Variants in FGF14 observed in about 807,000 individuals in gnomAD.
FGF14 encodes the protein fibroblast growth factor homologous factor 4.
In FGF14, 5 loss-of-function variants were observed where a neutral mutation model predicts 25.5. The observed-to-expected ratio is 0.20, with a 90% confidence interval of 0.10 to 0.41. The LOEUF (loss-of-function observed/expected upper bound fraction) is 0.41, where lower values mean the gene tolerates loss of function less well. Ranked by LOEUF, FGF14 falls within the 10% of genes least tolerant of loss-of-function variation. The probability of loss-of-function intolerance (pLI) is 1.00; values close to 1 mark genes in which losing one functional copy is unlikely to be tolerated. For missense variants in FGF14, 222 were observed against 320.1 expected (o/e 0.69, Z 2.34); for synonymous variants, 138 against 118.3 (o/e 1.17, Z -1.08).
intron 1 of FGF14, among the ~76,000 whole-genome samples, chr13:101,887,699 A>G (rs998203902): frequency 3.9e-5 from 6 of 152,194 alleles, no homozygotes; most frequent in Admixed American, 3.3e-4. Context: ...GTTAGCAATA[A>G]TTTATTGTAC....
intron 1 of FGF14, among the ~76,000 whole-genome samples, chr13:101,888,528 AAT>A (rs1206854845): frequency 6.6e-6 from 1 of 152,170 alleles, no homozygotes; most frequent in East Asian, 1.9e-4. Context: ...TAGGTAATTC[AAT>A]ATGATTCCTA....
intron 1 of FGF14, among the ~76,000 whole-genome samples, chr13:102,222,399 T>C (rs1428017770): frequency 2.6e-5 from 4 of 152,194 alleles, no homozygotes; most frequent in Non-Finnish European, 5.9e-5. Flanking sequence ...ACGTATGTAA[T>C]TTTGAAAGTT....
intron 1 of FGF14, among the ~76,000 whole-genome samples, chr13:101,960,595 A>T (rs1292680966): frequency 1.3e-5 from 2 of 152,140 alleles, no homozygotes; most frequent in African/African-American, 4.8e-5. Flanking sequence ...TCCATCACTG[A>T]TGGGCATTTA....
chr13:102,133,889 C>T (rs985843956), intron 1 of FGF14, among the ~76,000 whole-genome samples: 2 of 152,156 alleles, frequency 1.3e-5, no homozygotes, highest in Non-Finnish European at 2.9e-5. Context: ...ATTGTTTCTT[C>T]CCTGCTGTTT....
At position 102,346,547 on chromosome 13, in the gene FGF14, C is replaced by T. The variant is rs551175728; in HGVS notation, c.208+54924G>A. ...AAAGAGACTATGTCATATATGGCAG[C>T]GTACAGAGCCATATATATTTATATA... is the stretch of plus-strand genomic sequence containing the variant. On this transcript the variant is annotated intron_variant, in intron 1 of 4. Transcript: ENST00000376131. 2.6e-4 allele frequency among the ~76,000 whole-genome samples: 40 copies of T among 151,930 alleles called. 1 individual carries two copies. The highest frequency in any genetic ancestry group is 8.0e-4 in the African/African-American group (33 of 41,418).
chr13:101,845,471 C>T (rs1222794619), intron 3 of FGF14, among the ~76,000 whole-genome samples: 2 of 151,908 alleles, frequency 1.3e-5, no homozygotes, highest in Admixed American at 1.3e-4. Flanking sequence ...GAATGATTAA[C>T]TTGAAAATAC....
intron 1 of FGF14, among the ~76,000 whole-genome samples, chr13:102,273,616 A>T (rs996286790): frequency 2.6e-5 from 4 of 152,240 alleles, no homozygotes; most frequent in African/African-American, 7.2e-5. Flanking sequence ...CTGAAATGTC[A>T]TAAGCAGAAA....
intron 1 of FGF14, among the ~76,000 whole-genome samples, chr13:102,123,539 CA>C (rs2045823890): frequency 6.7e-6 from 1 of 149,844 alleles, no homozygotes; most frequent in Non-Finnish European, 1.5e-5. Flanking sequence ...TAGTACTAAA[CA>C]AATTTTTTTG....
intron 1 of FGF14, among the ~76,000 whole-genome samples, chr13:102,016,191 T>C (rs1211108895): frequency 6.6e-6 from 1 of 152,132 alleles, no homozygotes; most frequent in African/African-American, 2.4e-5. Context: ...ATCTACATAA[T>C]TCCCATTTTA....
chr13:102,020,922 TAA>T (rs35573849), intron 1 of FGF14, among the ~76,000 whole-genome samples: 14 of 143,776 alleles, frequency 9.7e-5, no homozygotes, highest in African/African-American at 1.5e-4. Context: ...AACACAGAGA[TAA>T]AAAAAAAAAG....
intron 1 of FGF14, among the ~76,000 whole-genome samples, chr13:102,018,583 C>T (rs923645978): frequency 1.3e-5 from 2 of 152,082 alleles, no homozygotes; most frequent in African/African-American, 4.8e-5. Context: ...TTCTCTAGCC[C>T]TGAGGCCTCT....
intron 1 of FGF14, among the ~76,000 whole-genome samples, chr13:102,073,182 G>T (rs1037878312): frequency 2.0e-5 from 3 of 152,154 alleles, no homozygotes; most frequent in African/African-American, 7.2e-5. Flanking sequence ...AACCCAGGAG[G>T]CAGGGGTTGC....
intron 3 of FGF14, among the ~76,000 whole-genome samples, chr13:101,758,512 T>G (rs1011280888): frequency 2.0e-5 from 3 of 152,190 alleles, no homozygotes; most frequent in Admixed American, 6.5e-5. Context: ...TTAATATATT[T>G]TACTCTTCTG....
intron 1 of FGF14, among the ~76,000 whole-genome samples, chr13:102,151,774 A>T (rs1485477450): frequency 6.6e-6 from 1 of 152,182 alleles, no homozygotes; most frequent in Non-Finnish European, 1.5e-5. Flanking sequence ...CTAGGATTAC[A>T]GGCATGAGCC....
intron 1 of FGF14, among the ~76,000 whole-genome samples, chr13:102,052,395 A>C (rs2140060458): frequency 6.6e-6 from 1 of 152,238 alleles, no homozygotes; most frequent in Middle Eastern, 3.4e-3. Flanking sequence ...CGAGAAGGTC[A>C]ACAGATTCAA....
At chr13:102,242,844 T>G (rs1374907025) in intron 1 of FGF14, among the ~76,000 whole-genome samples, 1 of 152,128 alleles carries the variant, frequency 6.6e-6, no homozygotes, top group Non-Finnish European at 1.5e-5. Flanking sequence ...TACTACTCCC[T>G]CCAGTGTGCA....
intron 1 of FGF14, among the ~76,000 whole-genome samples, chr13:102,064,310 AATC>A (rs2042810222): frequency 1.3e-5 from 2 of 152,218 alleles, no homozygotes; most frequent in African/African-American, 4.8e-5. Flanking sequence ...AGGGCATAAA[AATC>A]AAACATCTTT....
At chr13:101,857,510 T>TG (rs1295539164) in intron 3 of FGF14, among the ~76,000 whole-genome samples, 4 of 152,054 alleles carry the variant, frequency 2.6e-5, no homozygotes, top group Non-Finnish European at 5.9e-5. Context: ...AAAAGAACAT[T>TG]GTGCACCCTT....
At chr13:101,850,498 A>C in intron 3 of FGF14, among the ~76,000 whole-genome samples, 1 of 1,790 alleles carries the variant, frequency 5.6e-4, no homozygotes. Flanking sequence ...ATATATATAT[A>C]TATATATATA....
Sources: allele counts gnomAD v4.1 joint callset (sites outside exome capture counted in the v4.1 genomes callset), GRCh38; gene constraint gnomAD v4.1.1; transcripts MANE v1.5; gene names NCBI Gene and HGNC (gene_info 2026-07-23, HGNC 2026-07-21).